The following DNAH11 variants were observed in gnomAD, a reference collection of about 807,000 sequenced individuals.
DNAH11 encodes axonemal beta dynein heavy chain 11.
Under a neutral mutation model 526.0 loss-of-function variants are expected in DNAH11, and 442 were observed. That is an observed-to-expected ratio of 0.84 (90% CI 0.78 to 0.91). The LOEUF (loss-of-function observed/expected upper bound fraction) is 0.91. Among genes scored for constraint, DNAH11 ranks in the 40% least tolerant of loss-of-function variants. The pLI is 0.00. For synonymous variants in DNAH11, 2,461 were observed against 1,935.9 expected, an observed-to-expected ratio of 1.27 and a Z score of -7.12; for missense variants, 6,989 against 5,448.7, an observed-to-expected ratio of 1.28 and a Z score of -8.90.
chr7:21,552,010 G>A (rs1310440598), intron 2 of DNAH11, among the ~76,000 whole-genome samples: 1 of 152,164 alleles, frequency 6.6e-6, no homozygotes, highest in East Asian at 1.9e-4. Context: ...CACTCTCCTA[G>A]CAGCAGGGCT....
At chr7:21,812,590 G>A (rs551024282) in intron 63 of DNAH11, among the ~76,000 whole-genome samples, 41 of 152,194 alleles carry the variant, frequency 2.7e-4, no homozygotes, top group African/African-American at 9.9e-4. Context: ...GGAGTTAGAG[G>A]TTACAGCAAG....
At chr7:21,747,626 A>G (rs1443012833) in intron 51 of DNAH11, among the ~76,000 whole-genome samples, 1 of 152,254 alleles carries the variant, frequency 6.6e-6, no homozygotes, top group Non-Finnish European at 1.5e-5. Context: ...AGCATTCAGA[A>G]TGCCTTGGAT....
intron 24 of DNAH11, among the ~76,000 whole-genome samples, chr7:21,619,742 G>A (rs533305270): frequency 1.3e-5 from 2 of 152,242 alleles, no homozygotes; most frequent in Non-Finnish European, 2.9e-5. Flanking sequence ...TTCAGTAGAA[G>A]TTTGATGTTA....
At chr7:21,898,738 C>T (rs761375012) in intron 79 of DNAH11, among the ~76,000 whole-genome samples, 32 of 152,196 alleles carry the variant, frequency 2.1e-4, no homozygotes, top group Admixed American at 1.3e-3. Flanking sequence ...GAGAAGAGAA[C>T]ATGTACGTAA....
intron 68 of DNAH11, among the ~76,000 whole-genome samples, chr7:21,857,318 A>C (rs1338570919): frequency 1.3e-5 from 2 of 152,174 alleles, no homozygotes; most frequent in Non-Finnish European, 2.9e-5. Flanking sequence ...AAAATTAAAG[A>C]AGTCCTAACT....
At chr7:21,824,353 G>A (rs900651558) in intron 65 of DNAH11, among the ~76,000 whole-genome samples, 4 of 152,062 alleles carry the variant, frequency 2.6e-5, no homozygotes, top group Non-Finnish European at 5.9e-5. Context: ...GGTAGCCAAT[G>A]TTCACATATT....
chr7:21,621,042 T>C (rs1424309260), intron 25 of DNAH11, among the ~76,000 whole-genome samples: 1 of 152,084 alleles, frequency 6.6e-6, no homozygotes, highest in Non-Finnish European at 1.5e-5. Flanking sequence ...CATGTGTCTT[T>C]ATAGCAGCAT....
At chr7:21,790,436 C>A (rs1234875975) in intron 61 of DNAH11, among the ~76,000 whole-genome samples, 1 of 152,086 alleles carries the variant, frequency 6.6e-6, no homozygotes, top group Non-Finnish European at 1.5e-5. Flanking sequence ...GGCGACAGAG[C>A]AAGACTCCGT....
At chr7:21,771,245 T>A (rs1787422755) in intron 55 of DNAH11, among the ~76,000 whole-genome samples, 1 of 152,128 alleles carries the variant, frequency 6.6e-6, no homozygotes, top group Non-Finnish European at 1.5e-5. Flanking sequence ...AAGCCCAAAT[T>A]TAGTATTACA....
At chr7:21,633,282 A>G (rs1786703164) in intron 25 of DNAH11, among the ~76,000 whole-genome samples, 1 of 152,138 alleles carries the variant, frequency 6.6e-6, no homozygotes, top group Admixed American at 6.5e-5. Flanking sequence ...AAAAATCTGT[A>G]TTCTGCTATT....
intron 8 of DNAH11, among the ~76,000 whole-genome samples, chr7:21,579,189 A>G (rs775727594): frequency 6.6e-6 from 1 of 152,200 alleles, no homozygotes; most frequent in Non-Finnish European, 1.5e-5. Flanking sequence ...ATAGCTTCTC[A>G]TGATGCTAAT....
At chr7:21,778,229 G>T (rs1231477250) in intron 56 of DNAH11, among the ~76,000 whole-genome samples, 1 of 152,078 alleles carries the variant, frequency 6.6e-6, no homozygotes. Flanking sequence ...TGGATTCCTC[G>T]GAAGGCTGAG....
intron 45 of DNAH11, among the ~76,000 whole-genome samples, chr7:21,729,723 C>T (rs1359973652): frequency 1.5e-5 from 1 of 67,270 alleles, no homozygotes. Flanking sequence ...TCACCAGAAC[C>T]ATCTGAGGTC....
In DNAH11 at chr7:21,882,250, C is replaced by T. The variant is rs189605001; in HGVS notation, c.12387+1357C>T. Among the ~76,000 whole-genome samples, 30 of 152,240 alleles carry T rather than the reference C, an allele frequency of 2.0e-4. 1 individual carries two copies. The highest frequency in any genetic ancestry group is 7.0e-4 in the African/African-American group (29 of 41,518). The stretch of plus-strand genomic sequence containing the variant: ...TCTTACATCCTGAGTCTTGGAAACA[C>T]CAGTTGACCAACCGAGTCACACTGT... On this transcript the variant is annotated intron_variant, in intron 75 of 81. Coordinates refer to ENST00000409508, the MANE Select transcript of DNAH11 (RefSeq NM_001277115.2).
chr7:21,823,925 TG>T (rs1350696846), intron 65 of DNAH11, among the ~76,000 whole-genome samples: 2 of 152,152 alleles, frequency 1.3e-5, no homozygotes, highest in Non-Finnish European at 2.9e-5. Flanking sequence ...CTGATGACCT[TG>T]GGGTTCTCTT....
intron 28 of DNAH11, 137 bp downstream of exon 28, chr7:21,639,202 A>C: frequency 9.3e-7 from 1 of 1,074,088 alleles, no homozygotes; most frequent in Non-Finnish European, 1.3e-6. Flanking sequence ...TTTGTAATGT[A>C]GCATCAGAGG....
chr7:21,798,616 A>C (rs1464845193), intron 61 of DNAH11, among the ~76,000 whole-genome samples: 1 of 152,228 alleles, frequency 6.6e-6, no homozygotes, highest in Non-Finnish European at 1.5e-5. Flanking sequence ...AAACTTTAGC[A>C]AATCACTCAA....
Position 21,704,443 on chromosome 7 carries a change from A to G in DNAH11, c.6283A>G (p.Arg2095Gly), listed in dbSNP as rs1331599485. The G allele has an allele frequency of 1.9e-6, 3 of 1,613,010 alleles. No individual in the cohort carries two copies. Among genetic ancestry groups the G allele is most frequent in the Non-Finnish European group, 2.5e-6 (3 of 1,179,468 alleles). Residue 2095 changes from arginine to glycine, a missense_variant, in exon 38 of 82, where the codon AGA becomes GGA. Coordinates refer to ENST00000409508, the MANE Select transcript of DNAH11 (RefSeq NM_001277115.2). ...KNRPEDQVLM[R>G]ALRDFNMPKI... ...ATGTTTTTTTTTCTAGGTACTCATG[A>G]GAGCATTAAGGGATTTCAATATGCC...
At chr7:21,838,602 T>G (rs1234021833) in intron 65 of DNAH11, among the ~76,000 whole-genome samples, 3 of 152,250 alleles carry the variant, frequency 2.0e-5, no homozygotes, top group Non-Finnish European at 4.4e-5. Flanking sequence ...TTTTCAGGTT[T>G]CATTTGTGTC....
Sources: allele counts gnomAD v4.1 joint callset (sites outside exome capture counted in the v4.1 genomes callset), GRCh38; gene constraint gnomAD v4.1.1; transcripts MANE v1.5; gene names NCBI Gene and HGNC (gene_info 2026-07-23, HGNC 2026-07-21).